SSH2: variants seen among roughly 807,000 people sequenced by gnomAD.
The protein encoded by SSH2 is slingshot protein phosphatase 2.
In SSH2, 37 loss-of-function variants were observed where a neutral mutation model predicts 135.2. The observed-to-expected ratio is 0.27, with a 90% CI of 0.21 to 0.36. The LOEUF is 0.36. SSH2 is among the 10% of genes least tolerant of loss of function. The probability of loss-of-function intolerance (pLI) is 1.00; values close to 1 mark genes in which losing one functional copy is unlikely to be tolerated. For missense variants in SSH2, 1,408 were observed against 1,765.3 expected, an observed-to-expected ratio of 0.80 and a Z score of 3.63; for synonymous variants, 628 against 646.2, an observed-to-expected ratio of 0.97 and a Z score of 0.43.
intron 3 of SSH2, chr17:29,761,190 A>G (rs1466958425): frequency 7.8e-7 from 1 of 1,289,500 alleles, no homozygotes; most frequent in Non-Finnish European, 1.0e-6. Flanking sequence ...GCGTTGGCGG[A>G]GAAGTAAGGA....
chr17:29,761,871 G>GTGTGTGTGTATA (rs1334168372), intron 3 of SSH2, among the ~76,000 whole-genome samples: 12 of 98,740 alleles, frequency 1.2e-4, no homozygotes, highest in African/African-American at 4.3e-4. Flanking sequence ...GTGTGTGTGT[G>GTGTGTGTGTATA]TATATATATA....
At chr17:29,906,163 G>A (rs1567644875) in intron 1 of SSH2, among the ~76,000 whole-genome samples, 1 of 152,080 alleles carries the variant, frequency 6.6e-6, no homozygotes, top group Admixed American at 6.5e-5. Flanking sequence ...AAGAACTCAG[G>A]CAAAGGCATA....
intron 14 of SSH2, chr17:29,643,273 TA>T (rs2036238428): frequency 4.1e-6 from 4 of 985,350 alleles, no homozygotes; most frequent in Non-Finnish European, 4.8e-6. Context: ...TAACACATCA[TA>T]GATTGCAGAC....
At chr17:29,772,000 T>G (rs926846920) in intron 3 of SSH2, among the ~76,000 whole-genome samples, 2 of 152,184 alleles carry the variant, frequency 1.3e-5, no homozygotes, top group Admixed American at 6.5e-5. Flanking sequence ...CTCTCTGGAT[T>G]AGATAAAACC....
At chr17:29,728,973 CA>C (rs1195952669) in intron 3 of SSH2, among the ~76,000 whole-genome samples, 1 of 152,158 alleles carries the variant, frequency 6.6e-6, no homozygotes, top group Non-Finnish European at 1.5e-5. Flanking sequence ...AACTCCAGGA[CA>C]TTGAACTGGG....
intron 4 of SSH2, among the ~76,000 whole-genome samples, 187 bp downstream of exon 4, chr17:29,702,772 T>C (rs532047616): frequency 6.6e-6 from 1 of 152,340 alleles, no homozygotes; most frequent in South Asian, 2.1e-4. Context: ...ATCTACTATG[T>C]GTAAAAGGCT....
intron 1 of SSH2, among the ~76,000 whole-genome samples, chr17:29,922,897 A>G (rs148379043): frequency 6.6e-6 from 1 of 152,354 alleles, no homozygotes; most frequent in Non-Finnish European, 1.5e-5. Context: ...GAAAATATAT[A>G]TAACAGAAGT....
intron 4 of SSH2, among the ~76,000 whole-genome samples, chr17:29,701,267 G>A (rs548577075): frequency 3.9e-5 from 6 of 152,194 alleles, no homozygotes; most frequent in South Asian, 2.1e-4. Flanking sequence ...CACTGTGCCC[G>A]GCCTAATTTT....
rs78430554 is a variant in SSH2 at position 29,865,239 on chromosome 17, T to C, written c.64-16310A>G. 5.0e-4 allele frequency among the ~76,000 whole-genome samples: 76 copies of C among 152,358 alleles called. No individual in the cohort carries two copies. The East Asian group carries it at 0.013, about 25-fold the overall frequency. On this transcript the variant is annotated intron_variant, in intron 1 of 15. Transcript: ENST00000540801. ...ATTAAAAGAAGTGTAAAGTAATTTC[T>C]GCAACTTAAGATTGATACAGCACAA...
intron 4 of SSH2, among the ~76,000 whole-genome samples, chr17:29,702,250 G>C (rs1392211788): frequency 6.6e-6 from 1 of 152,036 alleles, no homozygotes; most frequent in East Asian, 1.9e-4. Context: ...CTACTTGGGA[G>C]GTTGAGGCAG....
At chr17:29,735,798 C>T (rs1259170093) in intron 3 of SSH2, among the ~76,000 whole-genome samples, 1 of 151,816 alleles carries the variant, frequency 6.6e-6, no homozygotes, top group Non-Finnish European at 1.5e-5. Flanking sequence ...CCTTCACTCC[C>T]CATTTCTGAA....
At chr17:29,677,588 C>A (rs1436060095) in intron 7 of SSH2, 85 bp downstream of exon 7, 3 of 1,136,386 alleles carry the variant, frequency 2.6e-6, no homozygotes, top group Non-Finnish European at 4.0e-6. Context: ...CACACTGGGC[C>A]TCCCTTTTAG....
At chr17:29,860,385 TTGGCAACA>T (rs766835264) in intron 1 of SSH2, among the ~76,000 whole-genome samples, 3 of 152,062 alleles carry the variant, frequency 2.0e-5, no homozygotes, top group Non-Finnish European at 1.5e-5. Context: ...CATATGATTG[TTGGCAACA>T]TGTACTTCTT....
At chr17:29,855,627 T>C (rs948360394) in intron 1 of SSH2, 1 of 152,532 alleles carries the variant, frequency 6.6e-6, no homozygotes, top group African/African-American at 2.4e-5. Flanking sequence ...CCCTGGCACT[T>C]AGGTGTAACT....
chr17:29,638,359 TA>T (rs1005862277), intron 14 of SSH2, among the ~76,000 whole-genome samples: 36 of 142,084 alleles, frequency 2.5e-4, no homozygotes, highest in South Asian at 4.4e-4. Context: ...TACTATTCAG[TA>T]AAAAAAAAAA....
chr17:29,770,916 A>G (rs1194761702), intron 3 of SSH2, among the ~76,000 whole-genome samples: 2 of 152,230 alleles, frequency 1.3e-5, no homozygotes, highest in African/African-American at 2.4e-5. Context: ...TAGTGTTTTC[A>G]TATCCATCTT....
rs2067159860 is a variant in SSH2 at position 29,930,067 on chromosome 17, G to A, written c.-67C>T. The stretch of plus-strand genomic sequence containing the variant: ...TGAGTGTGGGGGACGGGAGGGTGAC[G>A]GAGCCGGGATGGGGAAAGGGGTGCG... On this transcript the variant is annotated 5_prime_UTR_variant, in exon 1 of 16. Transcript: ENST00000540801. 7.1e-7 allele frequency: 1 copy of A among 1,414,548 alleles called. No homozygotes were observed. The highest frequency in any genetic ancestry group is 9.7e-7 in the Non-Finnish European group (1 of 1,028,886). 87.6% of individuals were successfully genotyped at this position (1,414,548 alleles called of 1,614,324 possible). A position where few individuals can be genotyped will look rare whatever the true frequency, so the allele number is the denominator to read the frequency against.
intron 8 of SSH2, among the ~76,000 whole-genome samples, chr17:29,673,328 G>A (rs1448556410): frequency 6.6e-6 from 1 of 152,010 alleles, no homozygotes; most frequent in East Asian, 1.9e-4. Context: ...CTAGCACTTT[G>A]GGAGGCCAAG....
chr17:29,655,518 C>G (rs752808557), intron 12 of SSH2, 43 bp downstream of exon 12: 1 of 1,590,586 alleles, frequency 6.3e-7, no homozygotes, highest in Admixed American at 1.7e-5. Context: ...AAAACAGGGA[C>G]TTCTGTTACA....
Sources: gnomAD v4.1 joint callset for allele counts (sites outside exome capture counted in the v4.1 genomes callset) on GRCh38, gnomAD v4.1.1 for gene constraint, MANE v1.5 for transcripts, NCBI Gene and HGNC (gene_info 2026-07-23, HGNC 2026-07-21) for gene names.